The following FNIP2 variants were observed in gnomAD, a reference collection of about 807,000 sequenced individuals.
The protein encoded by FNIP2 is folliculin-interacting protein 2.
In FNIP2, 32 loss-of-function variants were observed where a neutral mutation model predicts 108.7. That is an observed-to-expected ratio of 0.29 (90% CI 0.22 to 0.40). The LOEUF is 0.40. Ranked by LOEUF, FNIP2 falls within the 10% of genes least tolerant of loss-of-function variation. The probability of loss-of-function intolerance (pLI) is 1.00; values close to 1 mark genes in which losing one functional copy is unlikely to be tolerated. For missense variants in FNIP2, 1,202 were observed against 1,381.6 expected, an observed-to-expected ratio of 0.87 and a Z score of 2.06; for synonymous variants, 480 against 496.7, an observed-to-expected ratio of 0.97 and a Z score of 0.45.
chr4:158,779,481 A>G lies in FNIP2; in HGVS notation c.107+10162A>G, dbSNP rs76883875. ...TAGTAAAATATGCAAATGTATGACC[A>G]AGAACTAGAAAGAAAAACAGAAAAA... On this transcript the variant is annotated intron_variant, in intron 1 of 16. Transcript: ENST00000264433. Among the ~76,000 whole-genome samples, 361 of 152,282 alleles carry G rather than the reference A, an allele frequency of 2.4e-3. 1 individual carries two copies. The highest frequency in any genetic ancestry group is 6.9e-3 in the African/African-American group (285 of 41,560).
At chr4:158,769,888 G>A (rs1263633396) in intron 1 of FNIP2, among the ~76,000 whole-genome samples, 1 of 152,200 alleles carries the variant, frequency 6.6e-6, no homozygotes, top group Non-Finnish European at 1.5e-5. Context: ...GGGGGAGTAA[G>A]ATGCAATTAT....
chr4:158,858,875 G>A (rs569864671), intron 8 of FNIP2, among the ~76,000 whole-genome samples, 182 bp from the exon 9 acceptor site: 12 of 152,156 alleles, frequency 7.9e-5, no homozygotes, highest in Non-Finnish European at 1.6e-4. Flanking sequence ...GGATAATACC[G>A]TGTGGCAGGC....
At chr4:158,817,733 A>C (rs1446072155) in intron 1 of FNIP2, among the ~76,000 whole-genome samples, 1 of 152,166 alleles carries the variant, frequency 6.6e-6, no homozygotes, top group African/African-American at 2.4e-5. Context: ...CTTTTAGTAG[A>C]GATGGGGTTT....
At chr4:158,806,039 C>T in intron 1 of FNIP2, 2 of 693,796 alleles carry the variant, frequency 2.9e-6, no homozygotes, top group Non-Finnish European at 3.6e-6. Context: ...GAATGTTCCA[C>T]CTTTTTTTTT....
chr4:158,893,001 T>C (rs1200275976), intron 15 of FNIP2: 1 of 152,232 alleles, frequency 6.6e-6, no homozygotes, highest in Non-Finnish European at 1.5e-5. Context: ...GTCTGGTTGT[T>C]ATCAAAGTCG....
chr4:158,829,347 A>G, intron 3 of FNIP2, 122 bp downstream of exon 3: 3 of 808,138 alleles, frequency 3.7e-6, no homozygotes, highest in Non-Finnish European at 5.5e-6. Context: ...AGTATTCAAC[A>G]GAGTACTCTT....
chr4:158,866,618 C>T (rs1780598469), intron 12 of FNIP2, among the ~76,000 whole-genome samples: 1 of 152,002 alleles, frequency 6.6e-6, no homozygotes, highest in African/African-American at 2.4e-5. Context: ...TCTTGTAGCC[C>T]AGGCTGGAGT....
At chr4:158,769,477 TC>T (rs1285993228) in intron 1 of FNIP2, among the ~76,000 whole-genome samples, 158 bp downstream of exon 1, 5 of 152,186 alleles carry the variant, frequency 3.3e-5, no homozygotes, top group African/African-American at 9.6e-5. Flanking sequence ...ACGCGCCTGA[TC>T]CGAGTGTGGC....
intron 14 of FNIP2, among the ~76,000 whole-genome samples, chr4:158,888,837 G>T (rs891334876): frequency 1.3e-5 from 2 of 149,848 alleles, no homozygotes; most frequent in Non-Finnish European, 3.0e-5. Context: ...AGCCGAGATT[G>T]CACCACATCA....
Position 158,851,346 on chromosome 4 carries a change from A to G in FNIP2, c.753A>G (p.Thr251=). 2 of 1,613,936 alleles carry G rather than the reference A, an allele frequency of 1.2e-6. No homozygotes were observed. Among genetic ancestry groups the G allele is most frequent in the African/African-American group, 1.3e-5 (1 of 75,032 alleles). The change falls in exon 8 of 17, where the codon ACA becomes ACG. Residue 251 remains threonine (T), a synonymous_variant. Transcript: ENST00000264433. ...CCTCACTAAGCAGTCTTTTGATCACACCTTTCCCATCTCCAAGCTCCTCTA... is the reference window on the plus strand; with the variant it reads ...CCTCACTAAGCAGTCTTTTGATCACGCCTTTCCCATCTCCAAGCTCCTCTA... ...RSASLSSLLI[T]PFPSPSSSTS... is the part of the protein sequence containing the mutation.
chr4:158,882,074 G>A lies in FNIP2; in HGVS notation c.2950-9372G>A, dbSNP rs866214057. Reference sequence around the variant, plus strand: ...ATGTGGGGAGTGCCTCTGCCCCACCGCAACCCTGTCTGGGAGGTGAGGAGC... The same window carrying A: ...ATGTGGGGAGTGCCTCTGCCCCACCACAACCCTGTCTGGGAGGTGAGGAGC... On this transcript the variant is annotated intron_variant, in intron 14 of 16. Transcript: ENST00000264433. Among the ~76,000 whole-genome samples, 21 of 151,424 alleles carry A rather than the reference G, an allele frequency of 1.4e-4. 1 individual carries two copies. Among genetic ancestry groups the A allele is most frequent in the South Asian group, 6.3e-4 (3 of 4,768 alleles).
At chr4:158,875,541 T>TATATGC (rs1553964269) in intron 14 of FNIP2, among the ~76,000 whole-genome samples, 4 of 141,446 alleles carry the variant, frequency 2.8e-5, no homozygotes, top group African/African-American at 8.6e-5. Flanking sequence ...TATATATATA[T>TATATGC]GCTCATGAAT....
chr4:158,775,023 A>G (rs1455892298), intron 1 of FNIP2, among the ~76,000 whole-genome samples: 1 of 152,056 alleles, frequency 6.6e-6, no homozygotes, highest in Non-Finnish European at 1.5e-5. Context: ...TTGTTGCTTT[A>G]GGTTGTGTTT....
chr4:158,783,598 G>T (rs1027532519), intron 1 of FNIP2, among the ~76,000 whole-genome samples: 22 of 152,204 alleles, frequency 1.4e-4, no homozygotes, highest in African/African-American at 5.3e-4. Context: ...AGGCAAGCAG[G>T]CTTGATCTTT....
Position 158,816,929 on chromosome 4 carries a change from A to G in FNIP2, c.108-8987A>G, listed in dbSNP as rs1001161154. ...TATAGATATCAGAAAAGAATAAATAATGTGCATTTAAGAATTAAGGGAACC... is the reference window on the plus strand; with the variant it reads ...TATAGATATCAGAAAAGAATAAATAGTGTGCATTTAAGAATTAAGGGAACC... On this transcript the variant is annotated intron_variant, in intron 1 of 16. Coordinates refer to ENST00000264433, the MANE Select transcript of FNIP2 (RefSeq NM_020840.3). Among the ~76,000 whole-genome samples, 5 of 152,142 alleles carry G rather than the reference A, an allele frequency of 3.3e-5. No homozygotes were observed. The East Asian group carries it at 7.7e-4, about 23-fold the overall frequency.
At chr4:158,819,860 T>G (rs1355569897) in intron 1 of FNIP2, among the ~76,000 whole-genome samples, 2 of 152,298 alleles carry the variant, frequency 1.3e-5, no homozygotes, top group Non-Finnish European at 1.5e-5. Flanking sequence ...GAGATTTCTG[T>G]TTGTACTTAG....
intron 16 of FNIP2, among the ~76,000 whole-genome samples, chr4:158,902,182 C>G (rs904732468): frequency 2.6e-5 from 4 of 152,058 alleles, no homozygotes; most frequent in Admixed American, 2.0e-4. Flanking sequence ...GAGTGGACGT[C>G]CTTTTTGTTG....
At chr4:158,777,997 A>G (rs1174475100) in intron 1 of FNIP2, among the ~76,000 whole-genome samples, 1 of 152,178 alleles carries the variant, frequency 6.6e-6, no homozygotes, top group Non-Finnish European at 1.5e-5. Flanking sequence ...TTTCCCTCAG[A>G]CAGAGTGGTA....
intron 1 of FNIP2, among the ~76,000 whole-genome samples, chr4:158,824,059 T>C (rs1778026070): frequency 6.6e-6 from 1 of 152,342 alleles, no homozygotes; most frequent in South Asian, 2.1e-4. Context: ...AAAAAGAACA[T>C]GTTCAGTATT....
Sources: gnomAD v4.1 joint callset for allele counts (sites outside exome capture counted in the v4.1 genomes callset) on GRCh38, gnomAD v4.1.1 for gene constraint, MANE v1.5 for transcripts, NCBI Gene and HGNC (gene_info 2026-07-23, HGNC 2026-07-21) for gene names.